OR2L13: variants seen among roughly 807,000 people sequenced by gnomAD.
The protein encoded by OR2L13 is olfactory receptor 2L13.
OR2L13 carries 14 observed loss-of-function variants against 15.3 expected under a neutral mutation model. The observed-to-expected ratio is 0.91, with a 90% CI of 0.60 to 1.43. The LOEUF (loss-of-function observed/expected upper bound fraction) is 1.43. OR2L13 is among the 40% of genes most tolerant of loss of function. The probability of loss-of-function intolerance (pLI) is 0.00; values close to 1 mark genes in which losing one functional copy is unlikely to be tolerated. For synonymous variants in OR2L13, 152 were observed against 142.9 expected (o/e 1.06, Z -0.45); for missense variants, 367 against 387.9 (o/e 0.95, Z 0.45).
chr1:248,062,060 T>G, the OR2L13 span: 1 of 159,340 alleles, frequency 6.3e-6, no homozygotes, highest in Non-Finnish European at 1.4e-5. Flanking sequence ...CTGTAAGATG[T>G]TTTGTCTTTC....
the OR2L13 span, chr1:248,022,830 G>T: frequency 1.2e-6 from 2 of 1,605,520 alleles, no homozygotes; most frequent in African/African-American, 2.8e-5. Flanking sequence ...GAGAAACAAG[G>T]AGGTGATGGG....
At chr1:248,061,576 G>T in the OR2L13 span, 3 of 1,613,322 alleles carry the variant, frequency 1.9e-6, no homozygotes, top group South Asian at 3.3e-5. Context: ...GGTGATGGGG[G>T]CCCTGACACG....
chr1:248,095,650 A>C (rs1664720462), upstream of OR2L13, among the ~76,000 whole-genome samples: 1 of 33,466 alleles, frequency 3.0e-5, no homozygotes, highest in Non-Finnish European at 8.8e-5. Flanking sequence ...TATGTCACCC[A>C]GGCTGGAGTG....
the OR2L13 span, among the ~76,000 whole-genome samples, chr1:247,967,045 C>CCACACACACACA: frequency 2.6e-4 from 38 of 147,506 alleles, no homozygotes; most frequent in African/African-American, 5.2e-4. Flanking sequence ...ACACCACACA[C>CCACACACACACA]CACACACACA....
chr1:248,053,799 G>T, the OR2L13 span, among the ~76,000 whole-genome samples: 1 of 151,988 alleles, frequency 6.6e-6, no homozygotes. Context: ...CAATTTTAAT[G>T]GGGTTGTTTG....
At chr1:248,095,594 T>C (rs1664713895), upstream of OR2L13, among the ~76,000 whole-genome samples, 2 of 148,634 alleles carry the variant, frequency 1.3e-5, no homozygotes, top group Non-Finnish European at 1.5e-5. Flanking sequence ...ATGATGTCAC[T>C]GTAAAGCTGC....
At chr1:248,022,025 C>A in the OR2L13 span, 1 of 1,613,944 alleles carries the variant, frequency 6.2e-7, no homozygotes, top group Non-Finnish European at 8.5e-7. Flanking sequence ...GCCTTTTCCT[C>A]TTCATTCTCT....
At chr1:248,073,111 C>T in the OR2L13 span, among the ~76,000 whole-genome samples, 1 of 151,340 alleles carries the variant, frequency 6.6e-6, no homozygotes, top group Non-Finnish European at 1.5e-5. Context: ...TTTGACCCAG[C>T]AATCCCATTA....
the OR2L13 span, among the ~76,000 whole-genome samples, chr1:248,043,930 A>G: frequency 6.6e-6 from 1 of 152,328 alleles, no homozygotes; most frequent in African/African-American, 2.4e-5. Context: ...TATTATCTTT[A>G]AAGAAAAATT....
the OR2L13 span, among the ~76,000 whole-genome samples, chr1:248,046,041 T>C: frequency 2.0e-5 from 3 of 152,166 alleles, no homozygotes; most frequent in Non-Finnish European, 2.9e-5. Flanking sequence ...CTCAGATAGA[T>C]GGTATAATTA....
the OR2L13 span, among the ~76,000 whole-genome samples, chr1:248,077,617 C>A: frequency 6.6e-6 from 1 of 151,844 alleles, no homozygotes; most frequent in Non-Finnish European, 1.5e-5. Context: ...AGAAGAAAAT[C>A]TTTATGACTT....
the OR2L13 span, among the ~76,000 whole-genome samples, chr1:247,991,714 C>T: frequency 6.7e-6 from 1 of 149,692 alleles, no homozygotes; most frequent in South Asian, 2.1e-4. Flanking sequence ...TTTCTACTTA[C>T]TCTTGTCATA....
At chr1:247,976,060 A>G in the OR2L13 span, among the ~76,000 whole-genome samples, 1 of 152,156 alleles carries the variant, frequency 6.6e-6, no homozygotes. Flanking sequence ...TTTTCTCTCA[A>G]CCGGTGGGTA....
the OR2L13 span, chr1:248,060,682 A>G: frequency 7.5e-6 from 12 of 1,610,124 alleles, no homozygotes; most frequent in Non-Finnish European, 9.3e-6. Context: ...CGAATGCCCC[A>G]TGGAAAATTA....
At chr1:248,046,097 C>T in the OR2L13 span, among the ~76,000 whole-genome samples, 415 of 152,116 alleles carry the variant, frequency 2.7e-3, 1 homozygote, top group African/African-American at 9.3e-3. Context: ...ATTTAAAGTA[C>T]TCTACTGAGT....
At chr1:247,941,617 G>T in the OR2L13 span, among the ~76,000 whole-genome samples, 9 of 152,068 alleles carry the variant, frequency 5.9e-5, no homozygotes, top group Admixed American at 5.9e-4. Context: ...TTGGACAGAC[G>T]CCGAATGGAG....
chr1:248,060,944 A>G, the OR2L13 span: 2 of 1,613,846 alleles, frequency 1.2e-6, no homozygotes, highest in African/African-American at 2.7e-5. Flanking sequence ...CTGTCTGGTA[A>G]CAAGTCTATC....
At chr1:248,093,981 A>T (rs1037274703), upstream of OR2L13, among the ~76,000 whole-genome samples, 10 of 152,190 alleles carry the variant, frequency 6.6e-5, no homozygotes, top group African/African-American at 2.4e-4. Context: ...AGTTAGGATG[A>T]ATAAGACTTA....
the OR2L13 span, among the ~76,000 whole-genome samples, chr1:247,957,641 A>G: frequency 6.6e-6 from 1 of 152,060 alleles, no homozygotes; most frequent in Non-Finnish European, 1.5e-5. Flanking sequence ...GTCTATTCAG[A>G]GATTCAATTT....
Sources: gnomAD v4.1 joint callset for allele counts (sites outside exome capture counted in the v4.1 genomes callset) on GRCh38, gnomAD v4.1.1 for gene constraint, MANE v1.5 for transcripts, NCBI Gene and HGNC (gene_info 2026-07-23, HGNC 2026-07-21) for gene names.